The following RFX4 variants were observed in gnomAD, a reference collection of about 807,000 sequenced individuals.
RFX4 encodes transcription factor RFX4.
A neutral mutation model predicts 95.0 loss-of-function variants in RFX4; 10 were observed. The observed-to-expected ratio is 0.11, with a 90% CI of 0.06 to 0.18. RFX4 has a LOEUF of 0.18. Among genes scored for constraint, RFX4 ranks in the 10% least tolerant of loss-of-function variants. The pLI is 1.00. For synonymous variants in RFX4, 321 were observed against 340.7 expected, an observed-to-expected ratio of 0.94 and a Z score of 0.64; for missense variants, 640 against 922.0, an observed-to-expected ratio of 0.69 and a Z score of 3.96.
intron 3 of RFX4, among the ~76,000 whole-genome samples, chr12:106,646,184 G>A (rs905908829): frequency 1.3e-5 from 2 of 152,076 alleles, no homozygotes; most frequent in Non-Finnish European, 2.9e-5. Flanking sequence ...GGGCACATAC[G>A]AAGATGTTCT....
At chr12:106,673,843 G>A (rs1245680783) in intron 4 of RFX4, among the ~76,000 whole-genome samples, 1 of 152,160 alleles carries the variant, frequency 6.6e-6, no homozygotes, top group Non-Finnish European at 1.5e-5. Context: ...TTAATGCACT[G>A]AGCCACCTTC....
intron 1 of RFX4, among the ~76,000 whole-genome samples, chr12:106,606,859 G>C (rs1463026894): frequency 6.6e-6 from 1 of 152,158 alleles, no homozygotes; most frequent in African/African-American, 2.4e-5. Context: ...TCTCCGCATA[G>C]CTTACTCGTC....
intron 7 of RFX4, among the ~76,000 whole-genome samples, chr12:106,693,761 G>A (rs1327208602): frequency 2.0e-5 from 3 of 152,274 alleles, no homozygotes; most frequent in Admixed American, 2.0e-4. Flanking sequence ...GCCACAGTAG[G>A]GATCCTGGCT....
At chr12:106,694,013 G>C (rs1021181426) in intron 7 of RFX4, among the ~76,000 whole-genome samples, 1 of 152,178 alleles carries the variant, frequency 6.6e-6, no homozygotes, top group Non-Finnish European at 1.5e-5. Context: ...TTAGAGATAT[G>C]ATACTCCTCA....
At chr12:106,672,497 A>G (rs1321297653) in intron 4 of RFX4, among the ~76,000 whole-genome samples, 1 of 152,204 alleles carries the variant, frequency 6.6e-6, no homozygotes, top group Non-Finnish European at 1.5e-5. Context: ...CATTGAATCC[A>G]TACAAAAAAA....
At chr12:106,675,292 A>G (rs2041369490) in intron 4 of RFX4, among the ~76,000 whole-genome samples, 1 of 152,130 alleles carries the variant, frequency 6.6e-6, no homozygotes, top group Admixed American at 6.6e-5. Context: ...TTAGCTGGGC[A>G]TGGTGGTGTA....
At chr12:106,658,206 C>A (rs564171969) in intron 4 of RFX4, among the ~76,000 whole-genome samples, 1 of 152,266 alleles carries the variant, frequency 6.6e-6, no homozygotes, top group South Asian at 2.1e-4. Context: ...CTCGTTTAAC[C>A]TTCATGATAA....
chr12:106,658,776 T>G (rs1354730267), intron 4 of RFX4, among the ~76,000 whole-genome samples: 3 of 152,186 alleles, frequency 2.0e-5, no homozygotes, highest in Admixed American at 1.3e-4. Context: ...CTGTCCACAT[T>G]AGCTGAGAGA....
intron 1 of RFX4, chr12:106,601,119 TG>T (rs1326160120): frequency 4.2e-6 from 6 of 1,418,648 alleles, no homozygotes; most frequent in Non-Finnish European, 5.6e-6. Context: ...CAGCAGCCCC[TG>T]GGGCAGGACC....
intron 11 of RFX4, among the ~76,000 whole-genome samples, chr12:106,717,771 G>A (rs2042321593): frequency 6.6e-6 from 1 of 152,202 alleles, no homozygotes; most frequent in Non-Finnish European, 1.5e-5. Flanking sequence ...TGCTGTGAAG[G>A]GGGAATTGAG....
chr12:106,675,862 C>G (rs926789176), intron 4 of RFX4, among the ~76,000 whole-genome samples: 2 of 152,082 alleles, frequency 1.3e-5, no homozygotes, highest in Non-Finnish European at 2.9e-5. Flanking sequence ...TTCCGTATGG[C>G]CGGAGCACAG....
chr12:106,710,650 C>T (rs902148260), intron 9 of RFX4, among the ~76,000 whole-genome samples: 2 of 152,164 alleles, frequency 1.3e-5, no homozygotes, highest in Admixed American at 6.5e-5. Flanking sequence ...TCAAAGTCGG[C>T]GGCAAGGAGG....
chr12:106,645,854 T>C (rs2040733493), intron 3 of RFX4: 1 of 1,258,872 alleles, frequency 7.9e-7, no homozygotes, highest in Non-Finnish European at 1.0e-6. Flanking sequence ...CACTTTTAGC[T>C]CTGAACACAA....
rs575950260 is a variant in RFX4 at position 106,727,263 on chromosome 12, C to A, written c.1352-4867C>A. On this transcript the variant is annotated intron_variant, in intron 13 of 17. Transcript: ENST00000392842. ...TCATTATAGATACAGAGAAAAAAAG[C>A]ATTTGATACATTTCAGCTCTCAGGT... 7.2e-5 allele frequency among the ~76,000 whole-genome samples: 11 copies of A among 152,140 alleles called. No individual in the cohort carries two copies. The South Asian group carries it at 2.3e-3, about 32-fold the overall frequency.
intron 5 of RFX4, 180 bp downstream of exon 5, chr12:106,682,234 G>A (rs969074837): frequency 3.3e-6 from 2 of 608,122 alleles, no homozygotes; most frequent in Non-Finnish European, 5.7e-6. Flanking sequence ...CTGAAAGAGA[G>A]GTTGTCCAAA....
At chr12:106,633,538 T>G (rs1425006522) in intron 2 of RFX4, among the ~76,000 whole-genome samples, 1 of 152,164 alleles carries the variant, frequency 6.6e-6, no homozygotes, top group Non-Finnish European at 1.5e-5. Flanking sequence ...TCTTAACATA[T>G]TATATTTAAT....
At chr12:106,746,717 T>C (rs2137605731) in intron 15 of RFX4, among the ~76,000 whole-genome samples, 1 of 152,320 alleles carries the variant, frequency 6.6e-6, no homozygotes, top group South Asian at 2.1e-4. Context: ...CAAAAAGACC[T>C]GAGCTGGCAG....
intron 7 of RFX4, among the ~76,000 whole-genome samples, chr12:106,693,704 C>G (rs1423610048): frequency 6.6e-6 from 1 of 152,130 alleles, no homozygotes; most frequent in African/African-American, 2.4e-5. Flanking sequence ...AATAGTCAGC[C>G]ACCGGGTGTC....
chr12:106,696,295 C>T lies in RFX4; in HGVS notation c.682C>T (p.Leu228Phe). Reference sequence around the variant, plus strand: ...TGGGTCAATACAGGTTCAAAGTTTCCTTCTGCACTTTTGGCAAGGAATGCC... The same window carrying T: ...TGGGTCAATACAGGTTCAAAGTTTCTTTCTGCACTTTTGGCAAGGAATGCC... Reference protein sequence around the residue: ...RANFDEVQSFLLHFWQGMPPH... With the variant: ...RANFDEVQSFFLHFWQGMPPH... Residue 228 changes from leucine (L) to phenylalanine (F), a missense_variant, in exon 8 of 18, where the codon CTT becomes TTT. This residue lies in a region of RFX4 where 96 missense variants were observed against 183.7 expected (regional missense o/e 0.52). Transcript: ENST00000392842. The T allele has an allele frequency of 6.2e-7, 1 of 1,614,204 alleles. No homozygotes were observed. Among genetic ancestry groups the T allele is most frequent in the Non-Finnish European group, 8.5e-7 (1 of 1,180,026 alleles).
Sources: gnomAD v4.1 joint callset for allele counts (sites outside exome capture counted in the v4.1 genomes callset) on GRCh38, gnomAD v4.1.1 for gene constraint, gnomAD v4.1.1 regional missense constraint, MANE v1.5 for transcripts, NCBI Gene and HGNC (gene_info 2026-07-23, HGNC 2026-07-21) for gene names.